The following BCL2L14 variants were observed in gnomAD, a reference collection of about 807,000 sequenced individuals.
BCL2L14 encodes the protein apoptosis facilitator Bcl-2-like protein 14.
A neutral mutation model predicts 35.3 loss-of-function variants in BCL2L14; 27 were observed. The ratio of observed to expected loss-of-function variants is 0.76; its 90% CI spans 0.56 to 1.05. The LOEUF (loss-of-function observed/expected upper bound fraction) is 1.05. Among genes scored for constraint, BCL2L14 ranks in the 50% least tolerant of loss-of-function variants. The pLI is 0.00. For missense variants in BCL2L14, 377 were observed against 382.6 expected (o/e 0.99, Z 0.12); for synonymous variants, 139 against 145.9 (o/e 0.95, Z 0.34).
intron 2 of BCL2L14, among the ~76,000 whole-genome samples, chr12:12,054,122 T>C (rs1591799319): frequency 6.6e-6 from 1 of 152,208 alleles, no homozygotes; most frequent in South Asian, 2.1e-4. Context: ...TATAATCATT[T>C]AGTCTTTACA....
chr12:12,084,986 G>A (rs1442000514), intron 2 of BCL2L14, among the ~76,000 whole-genome samples: 3 of 151,230 alleles, frequency 2.0e-5, no homozygotes, highest in Non-Finnish European at 4.4e-5. Context: ...AGGAGGCTGA[G>A]GCAGAGAGAA....
intron 2 of BCL2L14, among the ~76,000 whole-genome samples, chr12:12,059,253 G>A (rs1227855331): frequency 2.0e-5 from 3 of 151,888 alleles, no homozygotes; most frequent in Admixed American, 6.5e-5. Flanking sequence ...TTTTCTGGGG[G>A]AGGGGCAAGT....
intron 2 of BCL2L14, among the ~76,000 whole-genome samples, chr12:12,058,524 G>A (rs1478439975): frequency 1.3e-5 from 2 of 152,048 alleles, no homozygotes; most frequent in Non-Finnish European, 2.9e-5. Context: ...CTTAACTGAT[G>A]ACATTGTCTT....
chr12:12,079,100 TTTTC>T (rs1352920928), intron 1 of BCL2L14, among the ~76,000 whole-genome samples, 195 bp from the exon 2 acceptor site: 1 of 152,184 alleles, frequency 6.6e-6, no homozygotes, highest in Non-Finnish European at 1.5e-5. Context: ...CGGCAGTTCA[TTTTC>T]TTTATGTGGA....
chr12:12,089,829 G>C (rs1949139667), intron 3 of BCL2L14, among the ~76,000 whole-genome samples: 1 of 152,284 alleles, frequency 6.6e-6, no homozygotes, highest in East Asian at 1.9e-4. Context: ...TTATTGTCAA[G>C]ACCCAGCATA....
chr12:12,069,231 C>T (rs965656729), upstream of BCL2L14, among the ~76,000 whole-genome samples: 49 of 152,132 alleles, frequency 3.2e-4, no homozygotes, highest in African/African-American at 1.2e-3. Flanking sequence ...GAACTCTTGT[C>T]TCATCACTGT....
At chr12:12,083,585 C>T (rs996673488) in intron 2 of BCL2L14, among the ~76,000 whole-genome samples, 1 of 152,156 alleles carries the variant, frequency 6.6e-6, no homozygotes, top group Non-Finnish European at 1.5e-5. Context: ...GCTTTTCTCT[C>T]CTTTAAAAGA....
chr12:12,070,135 T>TTTC (rs1377036890), upstream of BCL2L14, among the ~76,000 whole-genome samples: 1 of 152,210 alleles, frequency 6.6e-6, no homozygotes, highest in African/African-American at 2.4e-5. Context: ...ACATTTGGCC[T>TTTC]TTCAGTGGGT....
intron 1 of BCL2L14, among the ~76,000 whole-genome samples, chr12:12,051,570 GC>G (rs1283290989): frequency 1.4e-5 from 2 of 142,094 alleles, no homozygotes; most frequent in Admixed American, 7.3e-5. Flanking sequence ...GTAACTTTCA[GC>G]CCCTGGTCCC....
chr12:12,079,274 C>T (rs985570701), intron 1 of BCL2L14, 25 bp from the exon 2 acceptor site: 2 of 1,594,216 alleles, frequency 1.3e-6, no homozygotes, highest in African/African-American at 2.7e-5. Context: ...CATAGAAGGG[C>T]ACAGTGTGGA....
In BCL2L14 at chr12:12,062,705, T is replaced by G. The variant is rs371662749; in HGVS notation, c.-272+10858T>G. Among the ~76,000 whole-genome samples, 255 of 152,294 alleles carry G rather than the reference T, an allele frequency of 1.7e-3. 1 individual carries two copies. Among genetic ancestry groups the G allele is most frequent in the Middle Eastern group, 3.4e-3 (1 of 294 alleles). ...AGGAAGAGGCCTTTCCTACAGGGTCTGAGAAGGCCACCGCAGTCATTTCTT... is the reference window on the plus strand; with the variant it reads ...AGGAAGAGGCCTTTCCTACAGGGTCGGAGAAGGCCACCGCAGTCATTTCTT... On this transcript the variant is annotated intron_variant, in intron 2 of 3. Coordinates refer to the BCL2L14 transcript ENST00000461264.
chr12:12,079,181 GCACAAA>G (rs1948851104), intron 1 of BCL2L14, 112 bp from the exon 2 acceptor site: 1 of 866,004 alleles, frequency 1.2e-6, no homozygotes, highest in East Asian at 2.5e-5. Context: ...CTACCCTCCA[GCACAAA>G]CACAATAGAT....
rs139549265 is a variant in BCL2L14 at position 12,094,786 on chromosome 12, T to C, written c.801T>C (p.Ala267=). The C allele has an allele frequency of 1.4e-3, 2,193 of 1,614,044 alleles. 5 individuals carry two copies. The highest frequency in any genetic ancestry group is 1.8e-3 in the Non-Finnish European group (2,080 of 1,180,048). ...VDPRGESEVK[A]QGFKAALVID... is the part of the protein sequence containing the mutation. ...CCAGGGGAGAATCAGAGGTCAAAGC[T>C]CAGGGCTTTAAGGCTGCCCTTGTAA... Residue 267 remains alanine, a synonymous_variant, in exon 5 of 6, where the codon GCT becomes GCC. Coordinates refer to ENST00000308721, the MANE Select transcript of BCL2L14 (RefSeq NM_138723.2).
At chr12:12,077,762 G>A (rs1052640557) in intron 1 of BCL2L14, 6 of 210,558 alleles carry the variant, frequency 2.8e-5, no homozygotes, top group Admixed American at 5.1e-5. Context: ...ACTAGTCACT[G>A]GCATGGCCAC....
At chr12:12,088,201 C>T (rs2136767350) in intron 3 of BCL2L14, among the ~76,000 whole-genome samples, 1 of 152,300 alleles carries the variant, frequency 6.6e-6, no homozygotes, top group South Asian at 2.1e-4. Context: ...AGCTCTCTCT[C>T]CTGCGACAGA....
chr12:12,090,639 T>TAAAAAAA (rs1263200788), intron 3 of BCL2L14, 140 bp from the exon 4 acceptor site: 1 of 544,454 alleles, frequency 1.8e-6, no homozygotes, highest in African/African-American at 2.9e-5. Context: ...GTCTAAAAAA[T>TAAAAAAA]AAAAAATAAA....
At chr12:12,068,355 C>G (rs1236288497), upstream of BCL2L14, 3 of 392,080 alleles carry the variant, frequency 7.7e-6, no homozygotes, top group African/African-American at 6.2e-5. Context: ...TGCTTATATG[C>G]TTTTGTGGTT....
upstream of BCL2L14, among the ~76,000 whole-genome samples, chr12:12,070,439 C>T (rs1054263438): frequency 5.9e-5 from 9 of 152,138 alleles, no homozygotes; most frequent in African/African-American, 2.2e-4. Flanking sequence ...AATCCCAGCA[C>T]TTTGGGAGGC....
rs141870567 is a variant in BCL2L14 at position 12,093,854 on chromosome 12, G to A, written c.679-810G>A. ...ATGAAGACTGGGTGCAGGGACTCAT[G>A]CCTGTAATCCCAACACTTTGGGGAG... On this transcript the variant is annotated intron_variant, in intron 4 of 5. Coordinates refer to ENST00000308721, the MANE Select transcript of BCL2L14 (RefSeq NM_138723.2). 6.1e-3 allele frequency among the ~76,000 whole-genome samples: 918 copies of A among 151,170 alleles called. 5 individuals carry two copies. The highest frequency in any genetic ancestry group is 0.014 in the Middle Eastern group (4 of 292).
Sources: gnomAD v4.1 joint callset for allele counts (sites outside exome capture counted in the v4.1 genomes callset) on GRCh38, gnomAD v4.1.1 for gene constraint, MANE v1.5 for transcripts, NCBI Gene and HGNC (gene_info 2026-07-23, HGNC 2026-07-21) for gene names.